CYP4X1: variants seen among roughly 807,000 people sequenced by gnomAD.
CYP4X1 encodes cytochrome P450 4X1.
A neutral mutation model predicts 57.9 loss-of-function variants in CYP4X1; 44 were observed. That is an observed-to-expected ratio of 0.76 (90% CI 0.60 to 0.98). The LOEUF is 0.98. Among genes scored for constraint, CYP4X1 ranks in the 50% least tolerant of loss-of-function variants. The probability of loss-of-function intolerance (pLI) is 0.00; values close to 1 mark genes in which losing one functional copy is unlikely to be tolerated. For synonymous variants in CYP4X1, 227 were observed against 228.6 expected, an observed-to-expected ratio of 0.99 and a Z score of 0.06; for missense variants, 532 against 623.9, an observed-to-expected ratio of 0.85 and a Z score of 1.57.
chr1:46,975,274 T>C, the CYP4X1 span, among the ~76,000 whole-genome samples: 1 of 152,172 alleles, frequency 6.6e-6, no homozygotes, highest in Non-Finnish European at 1.5e-5. Context: ...GGTCTATGTA[T>C]TGAAGTGTGT....
chr1:46,999,767 T>A, the CYP4X1 span, among the ~76,000 whole-genome samples: 1 of 143,168 alleles, frequency 7.0e-6, no homozygotes, highest in Non-Finnish European at 1.6e-5. Context: ...TTTTTTTTTT[T>A]AACTTGTACA....
At chr1:47,042,455 CTTAAT>C (rs1385283258) in intron 8 of CYP4X1, among the ~76,000 whole-genome samples, 2 of 151,462 alleles carry the variant, frequency 1.3e-5, no homozygotes, top group Non-Finnish European at 3.0e-5. Flanking sequence ...GTGTTTTTTT[CTTAAT>C]TTAATTGTTT....
At chr1:46,975,359 G>A in the CYP4X1 span, among the ~76,000 whole-genome samples, 1 of 152,152 alleles carries the variant, frequency 6.6e-6, no homozygotes. Context: ...GGCAGTTCTG[G>A]TGGTAATGAA....
chr1:46,991,760 G>A, the CYP4X1 span, among the ~76,000 whole-genome samples: 2 of 151,916 alleles, frequency 1.3e-5, no homozygotes, highest in Non-Finnish European at 2.9e-5. Context: ...TGTTGGAAAG[G>A]AATACGCTGG....
chr1:46,974,096 C>A, the CYP4X1 span, among the ~76,000 whole-genome samples: 7 of 151,972 alleles, frequency 4.6e-5, no homozygotes, highest in Non-Finnish European at 1.0e-4. Context: ...TAGCTGTGTC[C>A]CAGAGATTCT....
At chr1:46,991,231 T>C in the CYP4X1 span, among the ~76,000 whole-genome samples, 1 of 152,160 alleles carries the variant, frequency 6.6e-6, no homozygotes, top group African/African-American at 2.4e-5. Flanking sequence ...TGTTAACTTA[T>C]TGCCACCTAC....
At chr1:46,979,232 G>A in the CYP4X1 span, among the ~76,000 whole-genome samples, 1 of 152,060 alleles carries the variant, frequency 6.6e-6, no homozygotes, top group African/African-American at 2.4e-5. Context: ...CCACTAGCAA[G>A]ACTAATAAAG....
intron 8 of CYP4X1, among the ~76,000 whole-genome samples, chr1:47,041,413 T>C (rs1053049709): frequency 2.6e-5 from 4 of 152,114 alleles, no homozygotes; most frequent in East Asian, 1.9e-4. Flanking sequence ...CAACCAAAAG[T>C]GTATAAGGGT....
At chr1:47,012,595 C>T in the CYP4X1 span, among the ~76,000 whole-genome samples, 1 of 151,804 alleles carries the variant, frequency 6.6e-6, no homozygotes, top group South Asian at 2.1e-4. Context: ...AAAGAAAAAA[C>T]CAGACTGAAA....
chr1:47,048,368 ATTG>A, intron 9 of CYP4X1, among the ~76,000 whole-genome samples, 194 bp from the exon 10 acceptor site: 1 of 152,314 alleles, frequency 6.6e-6, no homozygotes, highest in African/African-American at 2.4e-5. Flanking sequence ...AATTCAGTAA[ATTG>A]TTGTGTGGAA....
rs74073879 is a variant in CYP4X1 at position 47,027,231 on chromosome 1, C to T, written c.178-2759C>T. Among the ~76,000 whole-genome samples the T allele has an allele frequency of 6.5e-3, 985 of 151,296 alleles. 10 individuals are homozygous for T. The highest frequency in any genetic ancestry group is 0.021 in the African/African-American group (877 of 41,262). Reference sequence around the variant, plus strand: ...TCAGAATTTTGCAGATCAGAGATGACGGACATGTCAAACTGTCTAATATTA... The same window carrying T: ...TCAGAATTTTGCAGATCAGAGATGATGGACATGTCAAACTGTCTAATATTA... On this transcript the variant is annotated intron_variant, in intron 1 of 11. Transcript: ENST00000371901.
chr1:46,974,888 T>A, the CYP4X1 span, among the ~76,000 whole-genome samples: 2 of 152,128 alleles, frequency 1.3e-5, no homozygotes, highest in African/African-American at 2.4e-5. Flanking sequence ...TAAATTTTTT[T>A]AAATAAAAAT....
chr1:47,025,981 A>G (rs1447677376), intron 1 of CYP4X1, among the ~76,000 whole-genome samples: 2 of 152,220 alleles, frequency 1.3e-5, no homozygotes, highest in African/African-American at 4.8e-5. Context: ...TCAATTGACC[A>G]TAAATGTCAA....
At chr1:46,993,698 T>G in the CYP4X1 span, among the ~76,000 whole-genome samples, 1 of 152,274 alleles carries the variant, frequency 6.6e-6, no homozygotes, top group African/African-American at 2.4e-5. Context: ...GAGCATTTTT[T>G]CGTGTGTCTT....
At chr1:46,961,875 C>T in the CYP4X1 span, 1 of 901,682 alleles carries the variant, frequency 1.1e-6, no homozygotes, top group Non-Finnish European at 1.5e-6. Flanking sequence ...CTCTTTGTGC[C>T]TGTCTTAGGT....
chr1:47,018,944 G>A (rs971862797), upstream of CYP4X1, among the ~76,000 whole-genome samples: 4 of 152,140 alleles, frequency 2.6e-5, no homozygotes, highest in Non-Finnish European at 5.9e-5. Context: ...AGACCAAACC[G>A]AGGGTCAGGC....
Position 47,038,763 on chromosome 1 carries a change from C to T in CYP4X1, c.879C>T (p.Ala293=). 6.2e-7 allele frequency: 1 copy of T among 1,606,992 alleles called. No individual in the cohort carries two copies. The highest frequency in any genetic ancestry group is 2.2e-5 in the East Asian group (1 of 44,530). The change falls in exon 7 of 12, where the codon GCC becomes GCT. Residue 293 remains alanine (A), a synonymous_variant. Transcript: ENST00000371901. ...YQDFLDIVLS[A]KDESGSSFSD... is the part of the protein sequence containing the mutation. ...ATTTTCTGGATATTGTCCTTTCTGC[C>T]AAGGTAAATCTTCTAAATTTCTAAG...
upstream of CYP4X1, among the ~76,000 whole-genome samples, chr1:47,021,434 A>G (rs935162042): frequency 4.6e-5 from 7 of 152,210 alleles, no homozygotes; most frequent in Admixed American, 4.6e-4. Flanking sequence ...TGAGGCAAAA[A>G]GTGGCAGAGG....
At chr1:47,033,518 T>TA (rs1243243949) in intron 4 of CYP4X1, 150 bp downstream of exon 4, 3 of 977,746 alleles carry the variant, frequency 3.1e-6, no homozygotes. Context: ...TAGGTGTCTG[T>TA]AAAAAATTTG....
Sources: allele counts gnomAD v4.1 joint callset (sites outside exome capture counted in the v4.1 genomes callset), GRCh38; gene constraint gnomAD v4.1.1; transcripts MANE v1.5; gene names NCBI Gene and HGNC (gene_info 2026-07-23, HGNC 2026-07-21).